MSN: variants seen among roughly 807,000 people sequenced by gnomAD.
The protein encoded by MSN is moesin.
Under a neutral mutation model 48.0 loss-of-function variants are expected in MSN, and 2 were observed. That is an observed-to-expected ratio of 0.04 (90% confidence interval 0.02 to 0.13). The LOEUF (loss-of-function observed/expected upper bound fraction) is 0.13, where lower values mean the gene tolerates loss of function less well. Ranked by LOEUF, MSN falls within the 10% of genes least tolerant of loss-of-function variation. MSN has a pLI of 1.00. For synonymous variants in MSN, 146 were observed against 166.9 expected (o/e 0.87, Z 0.97); for missense variants, 267 against 470.1 (o/e 0.57, Z 3.99).
chrX:65,720,712 A>G (rs2071508449), intron 2 of MSN, among the ~76,000 whole-genome samples: 1 of 111,921 alleles, frequency 8.9e-6, no homozygotes, highest in African/African-American at 3.3e-5. Context: ...CAAAAGCTTT[A>G]TGGCCATCCT....
intron 1 of MSN, among the ~76,000 whole-genome samples, chrX:65,609,861 T>C (rs1483217666): frequency 1.8e-5 from 2 of 109,896 alleles, no homozygotes; most frequent in Non-Finnish European, 3.8e-5. Context: ...CCAGCCTGGG[T>C]GACAGAGCAA....
Position 65,706,249 on chromosome X carries a change from A to G in MSN, c.13-10569A>G, listed in dbSNP as rs183064370. ...TTGGCCCCACTCTTAGTAGCAGGAA[A>G]TGGTGGGAACTGGAGCCTAAACAAT... On this transcript the variant is annotated intron_variant, in intron 1 of 12. Coordinates refer to ENST00000360270, the MANE Select transcript of MSN (RefSeq NM_002444.3). Among the ~76,000 whole-genome samples, 367 of 112,063 alleles carry G rather than the reference A, an allele frequency of 3.3e-3. 2 individuals carry two copies. The highest frequency in any genetic ancestry group is 5.8e-3 in the Non-Finnish European group (307 of 53,153).
chrX:65,682,411 C>T (rs2071066026), intron 1 of MSN, among the ~76,000 whole-genome samples: 1 of 112,120 alleles, frequency 8.9e-6, no homozygotes, highest in African/African-American at 3.2e-5. Flanking sequence ...TGGCTTCTTG[C>T]TGCTGCCTTG....
At chrX:65,682,117 T>C (rs2071062214) in intron 1 of MSN, among the ~76,000 whole-genome samples, 2 of 111,615 alleles carry the variant, frequency 1.8e-5, no homozygotes, top group Admixed American at 1.9e-4. Flanking sequence ...TCCCTTTAGC[T>C]ATAGGTAGAA....
At chrX:65,613,406 G>C (rs1459987823) in intron 1 of MSN, among the ~76,000 whole-genome samples, 5 of 114,949 alleles carry the variant, frequency 4.3e-5, no homozygotes, top group African/African-American at 1.6e-4. Flanking sequence ...TGGATTGCTG[G>C]GTCAAATGGT....
At chrX:65,710,663 A>AC (rs1188635052) in intron 1 of MSN, among the ~76,000 whole-genome samples, 5 of 111,563 alleles carry the variant, frequency 4.5e-5, no homozygotes, top group African/African-American at 1.3e-4. Context: ...CCTGGATTCT[A>AC]CCCTTTTTTT....
At chrX:65,682,442 C>A (rs2071066896) in intron 1 of MSN, among the ~76,000 whole-genome samples, 1 of 111,920 alleles carries the variant, frequency 8.9e-6, no homozygotes, top group Admixed American at 9.5e-5. Flanking sequence ...TACCCCCATT[C>A]CACCCCAGGA....
chrX:65,596,357 C>T (rs1354347571), intron 1 of MSN, among the ~76,000 whole-genome samples: 4 of 110,740 alleles, frequency 3.6e-5, no homozygotes, highest in Non-Finnish European at 7.6e-5. Context: ...ATAGTGTGTA[C>T]GTGTGTGTGT....
chrX:65,668,126 G>T (rs2070893038), intron 1 of MSN, among the ~76,000 whole-genome samples: 1 of 112,737 alleles, frequency 8.9e-6, no homozygotes, highest in Non-Finnish European at 1.9e-5. Context: ...AGTCAGGACG[G>T]CTTCGTTGGG....
chrX:65,738,446 C>G, intron 10 of MSN, 79 bp from the exon 11 acceptor site: 1 of 888,089 alleles, frequency 1.1e-6, no homozygotes, highest in Middle Eastern at 3.4e-4. Flanking sequence ...TACTAGTCCC[C>G]CAGGGGACTT....
At chrX:65,657,748 G>A (rs965326429) in intron 1 of MSN, among the ~76,000 whole-genome samples, 27 of 111,388 alleles carry the variant, frequency 2.4e-4, no homozygotes, top group Admixed American at 2.4e-3. Flanking sequence ...CCAAGGTGCG[G>A]GGGTGATGCG....
intron 1 of MSN, among the ~76,000 whole-genome samples, chrX:65,653,322 T>C (rs946629385): frequency 1.8e-5 from 2 of 111,389 alleles, no homozygotes; most frequent in Non-Finnish European, 3.8e-5. Context: ...TAGCCACATA[T>C]GGGCTCACAT....
At position 65,641,131 on chromosome X, in the gene MSN, C is replaced by T. The variant is rs2070646344; in HGVS notation, c.-22+52519C>T. ...CTATAAATAAATAAATAAATCTTGGCATAAGACAGAAATAATAAAATAAGT... is the reference window on the plus strand; with the variant it reads ...CTATAAATAAATAAATAAATCTTGGTATAAGACAGAAATAATAAAATAAGT... On this transcript the variant is annotated intron_variant, in intron 1 of 3. Coordinates refer to the MSN transcript ENST00000609672. Among the ~76,000 whole-genome samples, 3 of 110,477 alleles carry T rather than the reference C, an allele frequency of 2.7e-5. No individual in the cohort carries two copies. The Admixed American group carries it at 2.9e-4, about 11-fold the overall frequency.
At chrX:65,630,766 T>G (rs1602736269) in intron 1 of MSN, among the ~76,000 whole-genome samples, 1 of 112,192 alleles carries the variant, frequency 8.9e-6, no homozygotes. Context: ...ATACATTTTG[T>G]GGTCTTTTGT....
chrX:65,611,012 C>T (rs987793079), intron 1 of MSN, among the ~76,000 whole-genome samples: 1 of 111,226 alleles, frequency 9.0e-6, no homozygotes, highest in African/African-American at 3.3e-5. Flanking sequence ...AATTCTATAC[C>T]CATTAAACAA....
intron 1 of MSN, among the ~76,000 whole-genome samples, chrX:65,695,609 G>C (rs1016868486): frequency 2.6e-4 from 29 of 109,877 alleles, no homozygotes; most frequent in African/African-American, 9.3e-4. Context: ...GTGTGAGCTA[G>C]GGTGGGGAGT....
At chrX:65,623,368 C>CTTT (rs773663630) in intron 1 of MSN, among the ~76,000 whole-genome samples, 7 of 74,150 alleles carry the variant, frequency 9.4e-5, no homozygotes, top group African/African-American at 3.3e-4. Flanking sequence ...TCTTTCTTTT[C>CTTT]TTTTTTTTTT....
At chrX:65,605,297 G>A (rs1359085041) in intron 1 of MSN, among the ~76,000 whole-genome samples, 4 of 112,259 alleles carry the variant, frequency 3.6e-5, no homozygotes, top group South Asian at 3.7e-4. Context: ...AAATCTAAGC[G>A]TTAGCTTTGC....
At chrX:65,647,745 G>A (rs2148372999) in intron 1 of MSN, among the ~76,000 whole-genome samples, 1 of 112,001 alleles carries the variant, frequency 8.9e-6, no homozygotes, top group African/African-American at 3.2e-5. Context: ...AATGGCTAGT[G>A]TGGCTGGAAT....
Sources: allele counts gnomAD v4.1 joint callset (sites outside exome capture counted in the v4.1 genomes callset), GRCh38; gene constraint gnomAD v4.1.1; transcripts MANE v1.5; gene names NCBI Gene and HGNC (gene_info 2026-07-23, HGNC 2026-07-21).